The following CSGALNACT1 variants were observed in gnomAD, a reference collection of about 807,000 sequenced individuals.
CSGALNACT1 encodes the protein chondroitin sulfate N-acetylgalactosaminyltransferase 1, also known as beta4GalNAcT-1.
A neutral mutation model predicts 51.0 loss-of-function variants in CSGALNACT1; 52 were observed. That is an observed-to-expected ratio of 1.02 (90% CI 0.82 to 1.29). The LOEUF (loss-of-function observed/expected upper bound fraction) is 1.29, where lower values mean the gene tolerates loss of function less well. Among genes scored for constraint, CSGALNACT1 ranks in the 50% most tolerant of loss-of-function variants. The probability of loss-of-function intolerance (pLI) is 0.00; values close to 1 mark genes in which losing one functional copy is unlikely to be tolerated. For synonymous variants in CSGALNACT1, 341 were observed against 254.4 expected (o/e 1.34, Z -3.24); for missense variants, 935 against 679.2 (o/e 1.38, Z -4.19).
intron 3 of CSGALNACT1, among the ~76,000 whole-genome samples, chr8:19,540,507 T>G (rs1261898194): frequency 6.6e-6 from 1 of 152,206 alleles, no homozygotes; most frequent in East Asian, 1.9e-4. Context: ...GAATAAATGC[T>G]TGCACTGGGA....
chr8:19,601,380 T>G (rs1051905811), intron 2 of CSGALNACT1, among the ~76,000 whole-genome samples: 2 of 152,210 alleles, frequency 1.3e-5, no homozygotes, highest in Non-Finnish European at 2.9e-5. Context: ...ACAGGGTGAC[T>G]ATTTTAAAAA....
At chr8:19,513,407 TCTCTCTCA>T (rs1200625297) in intron 3 of CSGALNACT1, among the ~76,000 whole-genome samples, 12 of 57,314 alleles carry the variant, frequency 2.1e-4, no homozygotes, top group Admixed American at 9.7e-4. Flanking sequence ...TAGAATTTTC[TCTCTCTCA>T]CTCTCTCTCT....
chr8:19,491,397 A>G (rs2074329909), intron 4 of CSGALNACT1, among the ~76,000 whole-genome samples: 2 of 152,234 alleles, frequency 1.3e-5, no homozygotes. Flanking sequence ...AAATACTGGA[A>G]AAAGCTATGA....
chr8:19,485,408 C>T (rs886342124), intron 4 of CSGALNACT1, among the ~76,000 whole-genome samples: 1 of 152,060 alleles, frequency 6.6e-6, no homozygotes. Context: ...ATCCTAAGCC[C>T]CCAAGTCACT....
intron 1 of CSGALNACT1, among the ~76,000 whole-genome samples, chr8:19,749,900 G>A (rs62494515): frequency 0.16 from 23,904 of 152,172 alleles, 1,925 homozygotes; most frequent in Middle Eastern, 0.27. Context: ...AGGCCAGGGA[G>A]CCAGAAGTCC....
At chr8:19,514,355 T>C (rs2079062106) in intron 3 of CSGALNACT1, among the ~76,000 whole-genome samples, 1 of 151,532 alleles carries the variant, frequency 6.6e-6, no homozygotes, top group Non-Finnish European at 1.5e-5. Flanking sequence ...GCTGCCTTGG[T>C]GGCCCTAGCA....
chr8:19,672,703 G>C (rs1296055208), intron 1 of CSGALNACT1, among the ~76,000 whole-genome samples: 1 of 98,736 alleles, frequency 1.0e-5, no homozygotes, highest in Admixed American at 1.1e-4. Flanking sequence ...CCAACATTCC[G>C]AATTCCAACC....
At chr8:19,536,012 A>G (rs1389745381) in intron 3 of CSGALNACT1, among the ~76,000 whole-genome samples, 2 of 152,218 alleles carry the variant, frequency 1.3e-5, no homozygotes, top group African/African-American at 4.8e-5. Flanking sequence ...CATACAGATT[A>G]GAAAGGAAGA....
chr8:19,530,791 A>T (rs2082620824), intron 3 of CSGALNACT1, among the ~76,000 whole-genome samples: 1 of 152,218 alleles, frequency 6.6e-6, no homozygotes, highest in East Asian at 1.9e-4. Flanking sequence ...TATTTACCTG[A>T]AGTCACAGAC....
At chr8:19,554,730 C>T (rs1297790701) in intron 3 of CSGALNACT1, among the ~76,000 whole-genome samples, 1 of 152,052 alleles carries the variant, frequency 6.6e-6, no homozygotes, top group Non-Finnish European at 1.5e-5. Context: ...CCAGCCTGCC[C>T]TACATGGTGA....
intron 5 of CSGALNACT1, among the ~76,000 whole-genome samples, chr8:19,442,248 T>A (rs1233933311): frequency 6.6e-6 from 1 of 152,208 alleles, no homozygotes; most frequent in Non-Finnish European, 1.5e-5. Context: ...TAAATCATGC[T>A]GCTATAAAGA....
chr8:19,670,650 C>CAAAAAAAAAAAAAAAAAAA (rs752256046), intron 1 of CSGALNACT1, among the ~76,000 whole-genome samples: 5 of 92,848 alleles, frequency 5.4e-5, no homozygotes, highest in African/African-American at 1.3e-4. Flanking sequence ...CTACTGAAGA[C>CAAAAAAAAAAAAAAAAAAA]AAAAAAAAAA....
intron 1 of CSGALNACT1, among the ~76,000 whole-genome samples, chr8:19,618,578 G>A (rs1457869930): frequency 3.1e-5 from 4 of 127,766 alleles, no homozygotes; most frequent in Admixed American, 2.9e-4. Context: ...AGGGGAATGA[G>A]CCAAGATCAT....
chr8:19,420,167 T>G (rs2057682093), intron 7 of CSGALNACT1, among the ~76,000 whole-genome samples, 173 bp downstream of exon 6: 1 of 152,244 alleles, frequency 6.6e-6, no homozygotes, highest in Non-Finnish European at 1.5e-5. Flanking sequence ...AGGTGTGTCT[T>G]TATTAGCCGC....
chr8:19,405,677 AATTC>A (rs1563237132), exon 10 of CSGALNACT1: 2 of 1,438,868 alleles, frequency 1.4e-6, no homozygotes, highest in South Asian at 2.3e-5. Flanking sequence ...CCATCAGTCC[AATTC>A]TTTTGTCGTC....
intron 1 of CSGALNACT1, among the ~76,000 whole-genome samples, chr8:19,699,225 T>G (rs2061735549): frequency 6.6e-6 from 1 of 152,172 alleles, no homozygotes; most frequent in Admixed American, 6.5e-5. Flanking sequence ...CTTGTTTTAT[T>G]TTTTCAAATA....
intron 4 of CSGALNACT1, among the ~76,000 whole-genome samples, chr8:19,495,807 G>T (rs189632412): frequency 6.6e-6 from 1 of 152,320 alleles, no homozygotes; most frequent in East Asian, 1.9e-4. Flanking sequence ...AGAAGCGGGG[G>T]ACACTTCAGC....
chr8:19,612,234 T>G (rs2154153361), intron 1 of CSGALNACT1, among the ~76,000 whole-genome samples: 1 of 152,118 alleles, frequency 6.6e-6, no homozygotes, highest in South Asian at 2.1e-4. Context: ...TTCTAGCTAC[T>G]CAGGTGCCTG....
At chr8:19,672,822 T>C (rs962642366) in intron 1 of CSGALNACT1, among the ~76,000 whole-genome samples, 1 of 152,036 alleles carries the variant, frequency 6.6e-6, no homozygotes, top group Non-Finnish European at 1.5e-5. Flanking sequence ...AACAAGAAAA[T>C]ACTGCACTCA....
Sources: allele counts gnomAD v4.1 joint callset (sites outside exome capture counted in the v4.1 genomes callset), GRCh38; gene constraint gnomAD v4.1.1; transcripts MANE v1.5; gene names NCBI Gene and HGNC (gene_info 2026-07-23, HGNC 2026-07-21).